The following COX7B2 variants were observed in gnomAD, a reference collection of about 807,000 sequenced individuals.
The protein encoded by COX7B2 is cytochrome c oxidase subunit 7B2.
For synonymous variants in COX7B2, 37 were observed against 32.1 expected, an observed-to-expected ratio of 1.15 and a Z score of -0.51; for missense variants, 109 against 95.9, an observed-to-expected ratio of 1.14 and a Z score of -0.57.
chr4:46,860,253 A>G (rs904205926), intron 1 of COX7B2, among the ~76,000 whole-genome samples: 1 of 152,222 alleles, frequency 6.6e-6, no homozygotes, highest in Non-Finnish European at 1.5e-5. Context: ...TGTAGCACAG[A>G]GACTGTAACA....
intron 1 of COX7B2, among the ~76,000 whole-genome samples, chr4:46,869,749 C>T (rs1302952678): frequency 6.6e-6 from 1 of 151,972 alleles, no homozygotes; most frequent in East Asian, 1.9e-4. Context: ...CTGCTGTTAG[C>T]CTGATGGTGT....
At chr4:46,887,514 A>G (rs2109862025) in intron 1 of COX7B2, among the ~76,000 whole-genome samples, 1 of 152,108 alleles carries the variant, frequency 6.6e-6, no homozygotes, top group South Asian at 2.1e-4. Context: ...GATCGAGACC[A>G]TCCTGGCTAA....
intron 2 of COX7B2, among the ~76,000 whole-genome samples, chr4:46,826,241 T>A (rs1219944952): frequency 6.6e-6 from 1 of 152,126 alleles, no homozygotes. Context: ...AAAGAAGACA[T>A]ATATGCAGTC....
intron 2 of COX7B2, among the ~76,000 whole-genome samples, chr4:46,840,409 A>G (rs893009939): frequency 1.2e-4 from 18 of 152,026 alleles, no homozygotes; most frequent in African/African-American, 4.3e-4. Context: ...AAGAGAGGAT[A>G]TTATATTAAA....
chr4:46,761,279 A>G lies in COX7B2; in HGVS notation c.-49-26038T>C, dbSNP rs77843192. 2.4e-3 allele frequency among the ~76,000 whole-genome samples: 369 copies of G among 152,276 alleles called. 15 individuals are homozygous for G. The East Asian group carries it at 0.067, about 27-fold the overall frequency. On this transcript the variant is annotated intron_variant, in intron 2 of 2. Transcript: ENST00000355591. Reference sequence around the variant, plus strand: ...CAACCTACTTGTCAGCAGAACCAGTAGCAGGGGGCCACCTAAATGGTAGCA... The same window carrying G: ...CAACCTACTTGTCAGCAGAACCAGTGGCAGGGGGCCACCTAAATGGTAGCA...
At chr4:46,808,164 A>G (rs1719100558) in intron 2 of COX7B2, among the ~76,000 whole-genome samples, 1 of 151,884 alleles carries the variant, frequency 6.6e-6, no homozygotes, top group South Asian at 2.1e-4. Flanking sequence ...ATAACAAGGT[A>G]CATTTCTATT....
chr4:46,748,421 T>C (rs1715152676), intron 2 of COX7B2, among the ~76,000 whole-genome samples: 1 of 152,168 alleles, frequency 6.6e-6, no homozygotes, highest in Admixed American at 6.5e-5. Context: ...GTGTGAACTG[T>C]ACACAGCATG....
chr4:46,810,151 AG>A (rs1323679551), intron 2 of COX7B2, among the ~76,000 whole-genome samples: 1 of 151,936 alleles, frequency 6.6e-6, no homozygotes, highest in Non-Finnish European at 1.5e-5. Flanking sequence ...GGTCTCTTTC[AG>A]GCAGCATATA....
intron 2 of COX7B2, among the ~76,000 whole-genome samples, chr4:46,822,942 G>A (rs1272402877): frequency 6.6e-6 from 1 of 152,144 alleles, no homozygotes; most frequent in African/African-American, 2.4e-5. Context: ...GCCCATTGGA[G>A]AACTGAGGTC....
intron 2 of COX7B2, among the ~76,000 whole-genome samples, chr4:46,775,710 T>C (rs957681895): frequency 9.2e-5 from 14 of 151,906 alleles, no homozygotes; most frequent in African/African-American, 3.4e-4. Context: ...GTAGATGGGG[T>C]TCAATGGGGC....
chr4:46,762,007 A>G (rs1371364507), intron 2 of COX7B2, among the ~76,000 whole-genome samples: 6 of 151,502 alleles, frequency 4.0e-5, no homozygotes, highest in Non-Finnish European at 7.4e-5. Context: ...CATAAATGCT[A>G]GTGTCAGCTC....
intron 2 of COX7B2, among the ~76,000 whole-genome samples, chr4:46,797,516 C>A (rs1231932383): frequency 6.6e-6 from 1 of 152,110 alleles, no homozygotes; most frequent in Admixed American, 6.6e-5. Flanking sequence ...GGTTCCCTGA[C>A]TATACAGTGA....
Position 46,820,832 on chromosome 4 carries a change from A to AT in COX7B2, c.-50+24127_-50+24128insA, listed in dbSNP as rs1553889358. Among the ~76,000 whole-genome samples, 546 of 141,354 alleles carry AT rather than the reference A, an allele frequency of 3.9e-3. 4 individuals carry two copies. Among genetic ancestry groups the AT allele is most frequent in the East Asian group, 0.018 (89 of 4,824 alleles). 92.7% of individuals were successfully genotyped at this position (141,354 alleles called of 152,430 possible). A position where few individuals can be genotyped will look rare whatever the true frequency, so the allele number is the denominator to read the frequency against. On this transcript the variant is annotated intron_variant, in intron 2 of 2. Transcript: ENST00000355591. ...GCAAAACTCCATCTCAAAAAAAAAAAAAATATATATATATATATATAGATA... is the reference window on the plus strand; with the variant it reads ...GCAAAACTCCATCTCAAAAAAAAAAATAAATATATATATATATATATAGATA...
At chr4:46,836,801 T>C (rs1204666925) in intron 2 of COX7B2, among the ~76,000 whole-genome samples, 1 of 152,096 alleles carries the variant, frequency 6.6e-6, no homozygotes, top group Non-Finnish European at 1.5e-5. Context: ...TATGACATTA[T>C]GACTGTTACA....
chr4:46,788,030 G>A lies in COX7B2; in HGVS notation c.-49-52789C>T, dbSNP rs187101514. ...GTATGTAGTTTAGGACTTCAGGGAC[G>A]AAGGCTTTCAACAAACTCAGCTGGG... is the stretch of plus-strand genomic sequence containing the variant. On this transcript the variant is annotated intron_variant, in intron 2 of 2. Transcript: ENST00000355591. Among the ~76,000 whole-genome samples, 187 of 152,150 alleles carry A rather than the reference G, an allele frequency of 1.2e-3. 1 individual carries two copies. The highest frequency in any genetic ancestry group is 4.3e-3 in the African/African-American group (177 of 41,514).
At chr4:46,785,261 T>A (rs896912580) in intron 2 of COX7B2, among the ~76,000 whole-genome samples, 1 of 152,150 alleles carries the variant, frequency 6.6e-6, no homozygotes, top group African/African-American at 2.4e-5. Context: ...CCATCAATGA[T>A]GTAGAAACAA....
chr4:46,903,902 A>T (rs896994046), intron 1 of COX7B2: 1 of 152,204 alleles, frequency 6.6e-6, no homozygotes, highest in Non-Finnish European at 1.5e-5. Flanking sequence ...CAGAACATAT[A>T]TCCTTGCTGT....
In COX7B2 at chr4:46,740,103, C is replaced by A. The variant is rs151326389; in HGVS notation, c.-49-4862G>T. Among the ~76,000 whole-genome samples the A allele has an allele frequency of 9.5e-3, 1,450 of 151,968 alleles. 25 individuals carry two copies. Among genetic ancestry groups the A allele is most frequent in the African/African-American group, 0.034 (1,397 of 41,444 alleles). ...TCTAGTGTCTCTGTTTATCTTTGTTCTGCATTTTAGCTGCAAAGGTATATA... is the reference window on the plus strand; with the variant it reads ...TCTAGTGTCTCTGTTTATCTTTGTTATGCATTTTAGCTGCAAAGGTATATA... On this transcript the variant is annotated intron_variant, in intron 2 of 2. Coordinates refer to ENST00000355591, the MANE Select transcript of COX7B2 (RefSeq NM_130902.3).
At chr4:46,781,894 T>C (rs1004874269) in intron 2 of COX7B2, among the ~76,000 whole-genome samples, 1 of 152,190 alleles carries the variant, frequency 6.6e-6, no homozygotes, top group South Asian at 2.1e-4. Flanking sequence ...CGCCTCCCCG[T>C]GTGGCAGGGC....
Sources: gnomAD v4.1 joint callset for allele counts (sites outside exome capture counted in the v4.1 genomes callset) on GRCh38, gnomAD v4.1.1 for gene constraint, MANE v1.5 for transcripts, NCBI Gene and HGNC (gene_info 2026-07-23, HGNC 2026-07-21) for gene names.